MTCL1: variants seen among roughly 807,000 people sequenced by gnomAD.
MTCL1 encodes the protein microtubule cross-linking factor 1.
MTCL1 carries 79 observed loss-of-function variants against 141.4 expected under a neutral mutation model. The observed-to-expected ratio is 0.56, with a 90% CI of 0.47 to 0.67. The LOEUF (loss-of-function observed/expected upper bound fraction) is 0.67, where lower values mean the gene tolerates loss of function less well. MTCL1 is among the 30% of genes least tolerant of loss of function. MTCL1 has a pLI of 0.00. For synonymous variants in MTCL1, 914 were observed against 875.8 expected, an observed-to-expected ratio of 1.04 and a Z score of -0.77; for missense variants, 2,177 against 2,113.9, an observed-to-expected ratio of 1.03 and a Z score of -0.59.
At chr18:8,750,353 T>A (rs753643473) in intron 4 of MTCL1, among the ~76,000 whole-genome samples, 8 of 152,210 alleles carry the variant, frequency 5.3e-5, no homozygotes, top group Non-Finnish European at 1.0e-4. Context: ...GCCAGTAATG[T>A]CATTTTATGT....
intron 4 of MTCL1, among the ~76,000 whole-genome samples, chr18:8,745,755 T>C (rs1191433650): frequency 1.3e-5 from 2 of 152,212 alleles, no homozygotes; most frequent in Non-Finnish European, 2.9e-5. Context: ...ACATAAAGTT[T>C]ATCACTTTAA....
chr18:8,825,056 C>T (rs747107950), exon 15 of MTCL1: 21 of 1,612,794 alleles, frequency 1.3e-5, no homozygotes, highest in African/African-American at 2.7e-5. Context: ...TGCGGAGCCA[C>T]GTCCTCACCG....
intron 4 of MTCL1, among the ~76,000 whole-genome samples, chr18:8,741,749 G>T (rs1292156356): frequency 6.6e-6 from 1 of 152,216 alleles, no homozygotes; most frequent in East Asian, 1.9e-4. Context: ...TTATTTCTCA[G>T]TGGACTTGGT....
In MTCL1 at chr18:8,705,831, C is replaced by G; in HGVS notation, c.171C>G (p.Ala57=). 8.5e-7 allele frequency: 1 copy of G among 1,176,606 alleles called. No homozygotes were observed. The allele number at this position is 1,176,606 out of a possible 1,614,324, so 72.9% of individuals were successfully genotyped here. A position where few individuals can be genotyped will look rare whatever the true frequency, so the allele number is the denominator to read the frequency against. Residue 57 remains alanine, a synonymous_variant, in exon 1 of 14, where the codon GCC becomes GCG. Coordinates refer to the MTCL1 transcript ENST00000306329. The surrounding 1 kb of genome is among the most constrained non-coding windows in gnomAD (Gnocchi z 5.2). ...TCAAGGACCTGCACGCCCGGCCCGC[C>G]GCGCCCGGCCCGGCCGTCCCCTCCT... is the stretch of plus-strand genomic sequence containing the variant.
chr18:8,776,893 C>T (rs2096512400), intron 4 of MTCL1, among the ~76,000 whole-genome samples: 1 of 152,156 alleles, frequency 6.6e-6, no homozygotes, highest in Admixed American at 6.5e-5. Flanking sequence ...GCCCTAGTAG[C>T]TGAGACTACA....
chr18:8,792,638 A>G (rs927669321), intron 7 of MTCL1, among the ~76,000 whole-genome samples: 2 of 152,262 alleles, frequency 1.3e-5, no homozygotes, highest in African/African-American at 4.8e-5. Flanking sequence ...CCTCGGTCAT[A>G]GTCGGCTCTG....
chr18:8,769,619 T>A (rs751264020), intron 4 of MTCL1, among the ~76,000 whole-genome samples: 23 of 152,188 alleles, frequency 1.5e-4, no homozygotes, highest in Non-Finnish European at 1.6e-4. Context: ...TGGCATTTGC[T>A]AGGGGGTGTG....
intron 11 of MTCL1, among the ~76,000 whole-genome samples, chr18:8,807,827 G>T (rs377124698): frequency 6.6e-6 from 1 of 152,156 alleles, no homozygotes; most frequent in African/African-American, 2.4e-5. Context: ...TTGATCATGA[G>T]GAGGGAGGGA....
At chr18:8,825,260 G>A (rs985317323) in exon 15 of MTCL1, 2 of 1,586,686 alleles carry the variant, frequency 1.3e-6, no homozygotes, top group Non-Finnish European at 1.7e-6. Flanking sequence ...GGGACTATGT[G>A]GAGGGGGCAC....
chr18:8,721,089 A>AT (rs938706495), intron 4 of MTCL1, among the ~76,000 whole-genome samples: 5 of 152,140 alleles, frequency 3.3e-5, no homozygotes, highest in African/African-American at 1.2e-4. Flanking sequence ...ATGAATATAT[A>AT]TTTTTTTCAT....
chr18:8,710,613 T>A (rs79939743), intron 1 of MTCL1, among the ~76,000 whole-genome samples: 1 of 151,044 alleles, frequency 6.6e-6, no homozygotes, highest in Non-Finnish European at 1.5e-5. Context: ...GTGATGAGTT[T>A]TTTTTTTTCA....
chr18:8,813,535 A>G (rs1276091850), intron 12 of MTCL1, among the ~76,000 whole-genome samples: 2 of 152,236 alleles, frequency 1.3e-5, no homozygotes, highest in Non-Finnish European at 2.9e-5. Flanking sequence ...AAAGGAATTT[A>G]AAGACTAAAC....
chr18:8,828,444 G>A lies in MTCL1; in HGVS notation c.4723-464G>A, dbSNP rs1295658625. ...AATGCTCTTCCTCCCTCCCCTAAGT[G>A]GAAAATGTGAGGGGAACTTTTTAGA... On this transcript the variant is annotated intron_variant, in intron 15 of 16. Coordinates refer to ENST00000359865, the Ensembl canonical transcript of MTCL1. This position sits in a 1 kb window ranked among gnomAD's most constrained non-coding sequence, Gnocchi z 5.2. 1.3e-5 allele frequency among the ~76,000 whole-genome samples: 2 copies of A among 152,184 alleles called. No homozygotes were observed. The highest frequency in any genetic ancestry group is 2.9e-5 in the Non-Finnish European group (2 of 68,038).
intron 4 of MTCL1, among the ~76,000 whole-genome samples, chr18:8,745,326 G>A (rs912514378): frequency 1.3e-5 from 2 of 152,148 alleles, no homozygotes; most frequent in African/African-American, 4.8e-5. Context: ...AACAATGTGT[G>A]TACCCCTCGG....
chr18:8,780,837 G>A (rs1598623218), intron 5 of MTCL1, among the ~76,000 whole-genome samples: 1 of 152,200 alleles, frequency 6.6e-6, no homozygotes, highest in South Asian at 2.1e-4. Flanking sequence ...CCAACTTCTG[G>A]TACATACTAG....
chr18:8,788,809 A>G (rs1333513772), intron 7 of MTCL1, among the ~76,000 whole-genome samples: 1 of 152,186 alleles, frequency 6.6e-6, no homozygotes, highest in Non-Finnish European at 1.5e-5. Context: ...CCACTGACAC[A>G]TCAATGCAAC....
exon 6 of MTCL1, chr18:8,783,574 G>A (rs2096540044): frequency 6.2e-6 from 10 of 1,611,386 alleles, no homozygotes; most frequent in Non-Finnish European, 8.5e-6. Flanking sequence ...TTGCCAAAGA[G>A]GAAGCCTTCC....
At chr18:8,747,490 C>T (rs2096345498) in intron 4 of MTCL1, among the ~76,000 whole-genome samples, 1 of 152,240 alleles carries the variant, frequency 6.6e-6, no homozygotes, top group African/African-American at 2.4e-5. Flanking sequence ...CTGCCTCTGC[C>T]TTTGTCATCA....
At chr18:8,729,628 T>G (rs1378538278) in intron 4 of MTCL1, among the ~76,000 whole-genome samples, 1 of 115,210 alleles carries the variant, frequency 8.7e-6, no homozygotes, top group African/African-American at 3.3e-5. Context: ...TGTCTCAAAC[T>G]CCTGGACTCA....
Sources: gnomAD v4.1 joint callset for allele counts (sites outside exome capture counted in the v4.1 genomes callset) on GRCh38, gnomAD v4.1.1 for gene constraint, Gnocchi (gnomAD v3.1) non-coding constraint, MANE v1.5 for transcripts, NCBI Gene and HGNC (gene_info 2026-07-23, HGNC 2026-07-21) for gene names.